The following HDAC9 variants were observed in gnomAD, a reference collection of about 807,000 sequenced individuals.
HDAC9 encodes MEF-2 interacting transcription repressor (MITR) protein.
A neutral mutation model predicts 139.4 loss-of-function variants in HDAC9; 41 were observed. The ratio of observed to expected loss-of-function variants is 0.29; its 90% CI spans 0.23 to 0.38. HDAC9 has a LOEUF of 0.38. Ranked by LOEUF, HDAC9 falls within the 10% of genes least tolerant of loss-of-function variation. The probability of loss-of-function intolerance (pLI) is 1.00; values close to 1 mark genes in which losing one functional copy is unlikely to be tolerated. For synonymous variants in HDAC9, 517 were observed against 476.2 expected, an observed-to-expected ratio of 1.09 and a Z score of -1.12; for missense variants, 1,147 against 1,297.0, an observed-to-expected ratio of 0.88 and a Z score of 1.78.
chr7:18,509,358 C>A (rs1737774662), intron 2 of HDAC9: 2 of 985,428 alleles, frequency 2.0e-6, no homozygotes, highest in Non-Finnish European at 2.4e-6. Flanking sequence ...CTGTCAGCTA[C>A]GATTTTCTCT....
chr7:18,143,247 T>A (rs1786044769), intron 1 of HDAC9, among the ~76,000 whole-genome samples: 3 of 152,212 alleles, frequency 2.0e-5, no homozygotes. Context: ...TTTCAGAACC[T>A]GGAAGAACAT....
intron 1 of HDAC9, among the ~76,000 whole-genome samples, chr7:18,323,935 GTT>G (rs201833273): frequency 2.9e-5 from 4 of 138,938 alleles, no homozygotes; most frequent in Non-Finnish European, 3.2e-5. Flanking sequence ...TGGTTGTTTT[GTT>G]TTTTTTTTTT....
At position 18,508,555 on chromosome 7, in the gene HDAC9, T is replaced by G. The variant is rs77314246; in HGVS notation, c.22+12231T>G. Among the ~76,000 whole-genome samples, 964 of 152,278 alleles carry G rather than the reference T, an allele frequency of 6.3e-3. 10 individuals carry two copies. The highest frequency in any genetic ancestry group is 0.022 in the African/African-American group (934 of 41,550). ...TTATTAACTTGAAGTGAAGGCTCTT[T>G]TAGAACTTGTTCCCTTTCCTTGTTC... is the stretch of plus-strand genomic sequence containing the variant. On this transcript the variant is annotated intron_variant, in intron 2 of 25. Transcript: ENST00000686413.
intron 6 of HDAC9, among the ~76,000 whole-genome samples, chr7:18,618,582 C>G (rs969151131): frequency 7.2e-5 from 11 of 151,894 alleles, no homozygotes; most frequent in African/African-American, 2.2e-4. Flanking sequence ...TGGCCCCACT[C>G]TCTCACGCAG....
At chr7:18,658,899 C>CAAAAAAAAAAAAAAAACAAAA (rs11306117) in intron 11 of HDAC9, among the ~76,000 whole-genome samples, 1 of 118,158 alleles carries the variant, frequency 8.5e-6, no homozygotes. Flanking sequence ...AAAAAAAAAG[C>CAAAAAAAAAAAAAAAACAAAA]AAAAAAAAAA....
chr7:18,788,373 G>A (rs1792000743), intron 16 of HDAC9, among the ~76,000 whole-genome samples: 1 of 152,182 alleles, frequency 6.6e-6, no homozygotes, highest in Non-Finnish European at 1.5e-5. Flanking sequence ...CAGGAATGCT[G>A]TAGCTTAATC....
At chr7:18,975,356 C>G (rs1489523263) in intron 24 of HDAC9, among the ~76,000 whole-genome samples, 1 of 152,228 alleles carries the variant, frequency 6.6e-6, no homozygotes, top group Non-Finnish European at 1.5e-5. Context: ...CTGGGCTTTT[C>G]TTTTTCTTTA....
chr7:18,866,817 T>C (rs1300329165), intron 21 of HDAC9, among the ~76,000 whole-genome samples: 1 of 152,182 alleles, frequency 6.6e-6, no homozygotes, highest in Admixed American at 6.5e-5. Flanking sequence ...TGCCGTTCAC[T>C]CAGCACATGC....
intron 24 of HDAC9, among the ~76,000 whole-genome samples, chr7:18,959,427 A>T (rs892073738): frequency 6.6e-6 from 1 of 152,180 alleles, no homozygotes; most frequent in African/African-American, 2.4e-5. Flanking sequence ...GAATGATAAT[A>T]ATCATAACCA....
intron 21 of HDAC9, among the ~76,000 whole-genome samples, chr7:18,850,508 A>G (rs1797208786): frequency 6.6e-6 from 1 of 152,214 alleles, no homozygotes; most frequent in Non-Finnish European, 1.5e-5. Flanking sequence ...ATAATGAAGA[A>G]GTATTTTTTA....
Position 18,552,036 on chromosome 7 carries a change from T to C in HDAC9, c.23-33245T>C, listed in dbSNP as rs536784719. Among the ~76,000 whole-genome samples the C allele has an allele frequency of 4.7e-4, 71 of 152,350 alleles. 1 individual carries two copies. The highest frequency in any genetic ancestry group is 1.6e-3 in the African/African-American group (66 of 41,578). On this transcript the variant is annotated intron_variant, in intron 2 of 25. Coordinates refer to ENST00000686413, the MANE Select transcript of HDAC9 (RefSeq NM_178425.4). ...ATGTTATTGTGGACTTGTGCATTTT[T>C]AAAAGATTAAGCATTTGGCTTGGAA...
intron 22 of HDAC9, among the ~76,000 whole-genome samples, chr7:18,897,834 A>AG (rs1186869026): frequency 3.3e-4 from 48 of 145,382 alleles, no homozygotes; most frequent in African/African-American, 1.1e-3. Context: ...AAAAAAAAAA[A>AG]TCCCTCCATT....
intron 24 of HDAC9, among the ~76,000 whole-genome samples, chr7:18,966,338 G>A (rs1783842946): frequency 6.6e-6 from 1 of 152,176 alleles, no homozygotes; most frequent in Admixed American, 6.5e-5. Flanking sequence ...ACTCAACATT[G>A]CTGCCACTTG....
intron 2 of HDAC9, among the ~76,000 whole-genome samples, chr7:18,500,260 G>T (rs890718532): frequency 2.6e-5 from 4 of 152,096 alleles, no homozygotes; most frequent in African/African-American, 7.2e-5. Flanking sequence ...TCTAAATGAT[G>T]ATTTTAATTT....
At chr7:18,592,126 T>C (rs907610160) in intron 5 of HDAC9, among the ~76,000 whole-genome samples, 6 of 152,104 alleles carry the variant, frequency 3.9e-5, no homozygotes, top group African/African-American at 1.4e-4. Context: ...AGTAGAATTT[T>C]GTCTCAAATG....
At chr7:18,980,645 ATT>A (rs1303493236) in intron 25 of HDAC9, among the ~76,000 whole-genome samples, 1 of 150,646 alleles carries the variant, frequency 6.6e-6, no homozygotes, top group East Asian at 2.0e-4. Flanking sequence ...TTCTTCCTCG[ATT>A]TGTTACACTT....
At chr7:18,463,640 T>A (rs938290496) in intron 1 of HDAC9, among the ~76,000 whole-genome samples, 2 of 151,924 alleles carry the variant, frequency 1.3e-5, no homozygotes, top group Non-Finnish European at 2.9e-5. Context: ...TTTTAAAAAA[T>A]TTCCTTCAGT....
At chr7:18,529,435 A>G (rs1054144439) in intron 2 of HDAC9, among the ~76,000 whole-genome samples, 2 of 152,236 alleles carry the variant, frequency 1.3e-5, no homozygotes, top group African/African-American at 4.8e-5. Context: ...TTCCAAGTTA[A>G]GTTTTCATCC....
chr7:18,451,387 G>GTGTGTGTATATATATATA (rs1792821276), intron 1 of HDAC9, among the ~76,000 whole-genome samples: 2 of 138,756 alleles, frequency 1.4e-5, no homozygotes, highest in African/African-American at 5.2e-5. Flanking sequence ...GTGTGTGTGT[G>GTGTGTGTATATATATATA]TGTGTGTGTG....
Sources: allele counts gnomAD v4.1 joint callset (sites outside exome capture counted in the v4.1 genomes callset), GRCh38; gene constraint gnomAD v4.1.1; transcripts MANE v1.5; gene names NCBI Gene and HGNC (gene_info 2026-07-23, HGNC 2026-07-21).